The following LZTFL1 variants were observed in gnomAD, a reference collection of about 807,000 sequenced individuals.
The protein encoded by LZTFL1 is leucine zipper transcription factor-like protein 1.
Under a neutral mutation model 45.9 loss-of-function variants are expected in LZTFL1, and 25 were observed. That is an observed-to-expected ratio of 0.54 (90% CI 0.40 to 0.76). The LOEUF (loss-of-function observed/expected upper bound fraction) is 0.76. Ranked by LOEUF, LZTFL1 falls within the 30% of genes least tolerant of loss-of-function variation. The pLI is 0.00. For missense variants in LZTFL1, 277 were observed against 331.1 expected, an observed-to-expected ratio of 0.84 and a Z score of 1.27; for synonymous variants, 93 against 117.4, an observed-to-expected ratio of 0.79 and a Z score of 1.35.
chr3:45,871,674 AT>A (rs34195376), intron 2 of LZTFL1, among the ~76,000 whole-genome samples: 74,562 of 150,006 alleles, frequency 0.5, 21,637 homozygotes, highest in African/African-American at 0.81. Context: ...GTGTATGTGC[AT>A]TTTTTTTTTT....
intron 1 of LZTFL1, among the ~76,000 whole-genome samples, chr3:45,914,952 G>T (rs78140541): frequency 6.6e-6 from 1 of 152,178 alleles, no homozygotes; most frequent in Non-Finnish European, 1.5e-5. Flanking sequence ...ATTCACAAGC[G>T]TCGTGGGAGG....
intron 2 of LZTFL1, among the ~76,000 whole-genome samples, chr3:45,859,182 G>C (rs1701441317): frequency 1.3e-5 from 2 of 152,218 alleles, no homozygotes; most frequent in African/African-American, 4.8e-5. Flanking sequence ...GCTATGCAGA[G>C]ATAATTTTCA....
At position 45,824,711 on chromosome 3, in the gene LZTFL1, A is replaced by G; in HGVS notation, c.*1603T>C. The G allele has an allele frequency of 2.5e-6, 1 of 397,454 alleles. No individual in the cohort carries two copies. The highest frequency in any genetic ancestry group is 4.4e-5 in the Admixed American group (1 of 22,698). 24.6% of individuals were successfully genotyped at this position (397,454 alleles called of 1,614,324 possible). A position where few individuals can be genotyped will look rare whatever the true frequency, so the allele number is the denominator to read the frequency against. Reference sequence around the variant, plus strand: ...TTTCTGAAGGCCACACTAGCCCTTTAGCCAAGAGTTCTGCTTCTGAATTAC... The same window carrying G: ...TTTCTGAAGGCCACACTAGCCCTTTGGCCAAGAGTTCTGCTTCTGAATTAC... On this transcript the variant is annotated 3_prime_UTR_variant, in exon 10 of 10. Coordinates refer to ENST00000296135, the MANE Select transcript of LZTFL1 (RefSeq NM_020347.4).
At chr3:45,850,613 C>T (rs1447882390) in intron 4 of LZTFL1, among the ~76,000 whole-genome samples, 4 of 152,210 alleles carry the variant, frequency 2.6e-5, no homozygotes, top group Admixed American at 2.6e-4. Context: ...TCCTCTCCAG[C>T]TTCCAGTGAC....
rs747651881 is a variant in LZTFL1, at chr3:45,827,479, A to G, written c.778-20T>C. ...TAATTCCTGCTTAGTAAAAAATGTC[A>G]GCCCATTACTAAAAAAATAGTTAAG... is the stretch of plus-strand genomic sequence containing the variant. On this transcript the variant is annotated intron_variant, in intron 8 of 9. Coordinates refer to ENST00000296135, the MANE Select transcript of LZTFL1 (RefSeq NM_020347.4). The G allele has an allele frequency of 7.0e-7, 1 of 1,437,620 alleles. No individual in the cohort carries two copies. The highest frequency in any genetic ancestry group is 1.7e-5 in the Admixed American group (1 of 58,652). 89.1% of individuals were successfully genotyped at this position (1,437,620 alleles called of 1,614,324 possible).
chr3:45,841,627 C>T, intron 1 of LZTFL1: 1 of 346,756 alleles, frequency 2.9e-6, no homozygotes, highest in Non-Finnish European at 5.4e-6. Context: ...CTTGGAGCTT[C>T]TTGAAATAGA....
chr3:45,901,968 G>A lies in LZTFL1; in HGVS notation c.-215+11152C>T, dbSNP rs201818079. On this transcript the variant is annotated intron_variant, in intron 2 of 4. Transcript: ENST00000472635. This position sits in a 1 kb window ranked among gnomAD's most constrained non-coding sequence, Gnocchi z 4.3. ...ATACAGAAACAGTTTCCCCACTGATGGGACCAGAGAGAGTGAAAGAGAAAA... is the reference window on the plus strand; with the variant it reads ...ATACAGAAACAGTTTCCCCACTGATAGGACCAGAGAGAGTGAAAGAGAAAA... 26 of 1,264,734 alleles carry A rather than the reference G, an allele frequency of 2.1e-5. No homozygotes were observed. The highest frequency in any genetic ancestry group is 2.9e-5 in the Non-Finnish European group (26 of 908,192). 78.3% of individuals were successfully genotyped at this position (1,264,734 alleles called of 1,614,324 possible).
chr3:45,838,025 A>T lies in LZTFL1; in HGVS notation c.30T>A (p.His10Gln), dbSNP rs761220368. Residue 10 changes from histidine (H) to glutamine (Q), a missense_variant, in exon 2 of 10, where the codon CAT (histidine) becomes CAA (glutamine). His to Gln is a conservative substitution (Grantham distance 24). Transcript: ENST00000296135. ...GCATATAATTAATAACTTCATTTTG[A>T]TGGTGCTCATTTAGGCCCAACTCTG... MAELGLNEH[H>Q]QNEVINYMRF... 2 of 1,610,642 alleles carry T rather than the reference A, an allele frequency of 1.2e-6. No homozygotes were observed. The highest frequency in any genetic ancestry group is 1.7e-6 in the Non-Finnish European group (2 of 1,179,054).
upstream of LZTFL1, among the ~76,000 whole-genome samples, chr3:45,842,751 C>T (rs1701152281): frequency 1.3e-5 from 2 of 152,056 alleles, no homozygotes; most frequent in East Asian, 1.9e-4. Flanking sequence ...ACTATGGAAG[C>T]TTGTTGAACA....
intron 2 of LZTFL1, among the ~76,000 whole-genome samples, chr3:45,897,043 G>C (rs374764761): frequency 2.0e-5 from 3 of 152,200 alleles, no homozygotes; most frequent in East Asian, 3.9e-4. Context: ...CAGGACTCCT[G>C]AGGGAAGAGG....
intron 1 of LZTFL1, chr3:45,913,266 GT>G: frequency 1.1e-6 from 1 of 896,780 alleles, no homozygotes; most frequent in Non-Finnish European, 1.6e-6. Flanking sequence ...TCTTTCTCTT[GT>G]TTTTCATGAG....
chr3:45,828,190 C>G (rs1575249689), intron 8 of LZTFL1, among the ~76,000 whole-genome samples: 1 of 152,148 alleles, frequency 6.6e-6, no homozygotes, highest in African/African-American at 2.4e-5. Context: ...AAGCCACCTA[C>G]AGAGGAGCAT....
intron 2 of LZTFL1, among the ~76,000 whole-genome samples, chr3:45,878,239 A>G (rs1160291630): frequency 6.6e-6 from 1 of 152,172 alleles, no homozygotes; most frequent in Non-Finnish European, 1.5e-5. Context: ...ATTATTAACT[A>G]TGGCCAGCAC....
chr3:45,847,794 A>G (rs371687457), intron 4 of LZTFL1, among the ~76,000 whole-genome samples: 2 of 152,358 alleles, frequency 1.3e-5, no homozygotes, highest in South Asian at 2.1e-4. Flanking sequence ...TTGGAGTTAG[A>G]TAATCCTTTC....
intron 2 of LZTFL1, among the ~76,000 whole-genome samples, chr3:45,868,823 T>C (rs1701621331): frequency 6.6e-6 from 1 of 152,200 alleles, no homozygotes; most frequent in South Asian, 2.1e-4. Flanking sequence ...AAGGCTACCA[T>C]GGGGCAGGCC....
intron 2 of LZTFL1, among the ~76,000 whole-genome samples, chr3:45,904,159 C>A (rs1702633983): frequency 6.6e-6 from 1 of 152,180 alleles, no homozygotes; most frequent in South Asian, 2.1e-4. Flanking sequence ...CCAGACTCCT[C>A]ATCACACACA....
chr3:45,915,255 G>A (rs1308946797), intron 1 of LZTFL1, among the ~76,000 whole-genome samples: 1 of 152,110 alleles, frequency 6.6e-6, no homozygotes, highest in Non-Finnish European at 1.5e-5. Flanking sequence ...CCTGGGTCCA[G>A]CCCTCCTTGC....
chr3:45,835,395 G>C (rs1200617084), intron 3 of LZTFL1, 195 bp downstream of exon 3: 1 of 563,542 alleles, frequency 1.8e-6, no homozygotes, highest in African/African-American at 1.9e-5. Flanking sequence ...CCTAGGAACA[G>C]TAGAAACAGA....
At chr3:45,902,193 C>T (rs1032024641) in intron 2 of LZTFL1, 3 of 293,340 alleles carry the variant, frequency 1.0e-5, no homozygotes, top group Non-Finnish European at 1.3e-5. Context: ...GCATCAATGC[C>T]GCTGCCTCTG....
Sources: gnomAD v4.1 joint callset for allele counts (sites outside exome capture counted in the v4.1 genomes callset) on GRCh38, gnomAD v4.1.1 for gene constraint, Gnocchi (gnomAD v3.1) non-coding constraint, MANE v1.5 for transcripts, NCBI Gene and HGNC (gene_info 2026-07-23, HGNC 2026-07-21) for gene names.